Variants in EEF2 observed in about 807,000 individuals in gnomAD.
EEF2 encodes elongation factor 2.
In EEF2, 21 loss-of-function variants were observed where a neutral mutation model predicts 85.3. The ratio of observed to expected loss-of-function variants is 0.25; its 90% confidence interval spans 0.17 to 0.35. The LOEUF (loss-of-function observed/expected upper bound fraction) is 0.35. Ranked by LOEUF, EEF2 falls within the 10% of genes least tolerant of loss-of-function variation. The pLI, the probability that EEF2 is intolerant of heterozygous loss-of-function variation, is 1.00. For synonymous variants in EEF2, 723 were observed against 508.8 expected (o/e 1.42, Z -5.67); for missense variants, 825 against 1,225.3 (o/e 0.67, Z 4.88).
In EEF2 at chr19:3,981,323, T is replaced by TG; in HGVS notation, c.1011+15dup. 2 of 1,611,854 alleles carry TG rather than the reference T, an allele frequency of 1.2e-6. No individual in the cohort carries two copies. Among genetic ancestry groups the TG allele is most frequent in the Admixed American group, 3.3e-5 (2 of 60,024 alleles). The stretch of plus-strand genomic sequence containing the variant: ...CCTGTGTTCCCTCCACCCCGAGGGC[T>TG]GGGCCCAGGCCGCACCTTCAGCAGG... On this transcript the variant is annotated intron_variant, in intron 7 of 14. Transcript: ENST00000309311.
In EEF2 at chr19:3,979,874, G is replaced by A; in HGVS notation, c.1539C>T (p.Asn513=). The A allele has an allele frequency of 6.2e-7, 1 of 1,613,814 alleles. No homozygotes were observed. The highest frequency in any genetic ancestry group is 8.5e-7 in the Non-Finnish European group (1 of 1,180,054). ...PVVRVAVEAK[N]PADLPKLVEG... is the part of the protein sequence containing the mutation. ...CCACCAGCTTGGGCAGGTCAGCCGGGTTCTTGGCCTCCACGGCCACTCTGA... is the reference window on the plus strand; with the variant it reads ...CCACCAGCTTGGGCAGGTCAGCCGGATTCTTGGCCTCCACGGCCACTCTGA... Residue 513 remains asparagine (N), a synonymous_variant, in exon 10 of 15, where the codon AAC becomes AAT. Transcript: ENST00000309311.
chr19:3,979,255 G>T (rs2039715359), intron 11 of EEF2, 74 bp downstream of exon 11: 4 of 1,215,088 alleles, frequency 3.3e-6, no homozygotes, highest in Admixed American at 1.8e-5. Flanking sequence ...GCAGAGCCTA[G>T]CTCAGCTCAG....
intron 10 of EEF2, 44 bp downstream of exon 10, chr19:3,979,764 C>T: frequency 6.3e-7 from 1 of 1,590,540 alleles, no homozygotes; most frequent in South Asian, 1.1e-5. Flanking sequence ...ACAAGCCGTC[C>T]CCCCTCAGGG....
Position 3,977,093 on chromosome 19 carries a change from T to TG in EEF2, c.2383+121dup. 7.1e-7 allele frequency: 1 copy of TG among 1,409,304 alleles called. No homozygotes were observed. Among genetic ancestry groups the TG allele is most frequent in the Admixed American group, 2.3e-5 (1 of 44,342 alleles). The allele number at this position is 1,409,304 out of a possible 1,614,324, so 87.3% of individuals were successfully genotyped here. A position where few individuals can be genotyped will look rare whatever the true frequency, so the allele number is the denominator to read the frequency against. On this transcript the variant is annotated intron_variant, in intron 14 of 14. Transcript: ENST00000309311. The surrounding 1 kb of genome is among the most constrained non-coding windows in gnomAD (Gnocchi z 5.4). The stretch of plus-strand genomic sequence containing the variant: ...ACAAGCTGTCAGAAACTGGACCACC[T>TG]GCTCCATCCATCACCTGCTCCCATC...
chr19:3,982,885 G>T lies in EEF2; in HGVS notation c.534C>A (p.Phe178Leu), dbSNP rs148371759. The T allele has an allele frequency of 6.2e-7, 1 of 1,613,746 alleles. No individual in the cohort carries two copies. Among genetic ancestry groups the T allele is most frequent in the Non-Finnish European group, 8.5e-7 (1 of 1,179,992 alleles). Residue 178 changes from phenylalanine (F) to leucine (L), a missense_variant, in exon 4 of 15, where the codon TTC (phenylalanine) becomes TTA (leucine). Transcript: ENST00000309311. The part of the protein sequence containing the change: ...QLEPEELYQT[F>L]QRIVENVNVI... ...CGTTCACGTTCTCCACGATGCGCTG[G>T]AAAGTCTGGTAGAGCTCCTCGGGCT...
intron 1 of EEF2, 151 bp downstream of exon 1, chr19:3,985,227 G>A (rs2039805112): frequency 1.2e-6 from 1 of 835,564 alleles, no homozygotes; most frequent in Admixed American, 4.3e-5. Flanking sequence ...CAGACATGGC[G>A]GCGGCCGCTT....
chr19:3,978,232 C>G (rs898745314), intron 11 of EEF2, 60 bp from the exon 12 acceptor site: 10 of 1,382,778 alleles, frequency 7.2e-6, no homozygotes, highest in Non-Finnish European at 8.6e-6. Flanking sequence ...TACACACAGA[C>G]GCATCCTTAA....
chr19:3,982,886 A>T lies in EEF2; in HGVS notation c.533T>A (p.Phe178Tyr), dbSNP rs771817071. The T allele has an allele frequency of 6.2e-7, 1 of 1,613,578 alleles. No individual in the cohort carries two copies. The highest frequency in any genetic ancestry group is 8.5e-7 in the Non-Finnish European group (1 of 1,180,012). Reference sequence around the variant, plus strand: ...GTTCACGTTCTCCACGATGCGCTGGAAAGTCTGGTAGAGCTCCTCGGGCTC... The same window carrying T: ...GTTCACGTTCTCCACGATGCGCTGGTAAGTCTGGTAGAGCTCCTCGGGCTC... ...QLEPEELYQT[F>Y]QRIVENVNVI... The change falls in exon 4 of 15, where the codon TTC (phenylalanine) becomes TAC (tyrosine). Residue 178 changes from phenylalanine (F) to tyrosine (Y), a missense_variant. Coordinates refer to ENST00000309311, the MANE Select transcript of EEF2 (RefSeq NM_001961.4).
intron 5 of EEF2, 61 bp from the exon 6 acceptor site, chr19:3,982,113 T>C (rs2039756712): frequency 1.2e-6 from 2 of 1,600,560 alleles, no homozygotes; most frequent in Non-Finnish European, 8.6e-7. Flanking sequence ...TTGGGGAGGG[T>C]GGTCGCCAAG....
chr19:3,984,626 G>A (rs1437087435), intron 1 of EEF2, among the ~76,000 whole-genome samples: 3 of 152,180 alleles, frequency 2.0e-5, no homozygotes, highest in East Asian at 1.9e-4. Flanking sequence ...CTTGATACCA[G>A]GTACAAATAC....
Position 3,977,160 on chromosome 19 carries a change from C to T in EEF2, c.2383+55G>A. On this transcript the variant is annotated intron_variant, in intron 14 of 14. Coordinates refer to ENST00000309311, the MANE Select transcript of EEF2 (RefSeq NM_001961.4). The surrounding 1 kb of genome is among the most constrained non-coding windows in gnomAD (Gnocchi z 5.4). ...CACCTTGCTAAGCTTAACTGGGCTT[C>T]TGTCCCCCAAACCAGCCTGCCAGGC... The T allele has an allele frequency of 1.3e-6, 2 of 1,591,498 alleles. No homozygotes were observed. Among genetic ancestry groups the T allele is most frequent in the South Asian group, 1.1e-5 (1 of 88,878 alleles).
chr19:3,984,041 G>A lies in EEF2; in HGVS notation c.218+95C>T, dbSNP rs550210010. 3.6e-3 allele frequency: 4,750 copies of A among 1,325,540 alleles called. 50 individuals are homozygous for A. The highest frequency in any genetic ancestry group is 0.019 in the Middle Eastern group (72 of 3,796). 82.1% of individuals were successfully genotyped at this position (1,325,540 alleles called of 1,614,324 possible). The stretch of plus-strand genomic sequence containing the variant: ...AATTAAGAAACCAGGGGAAAGAGAC[G>A]TTGCCAAGTCTCTCCCCGCGCACCC... On this transcript the variant is annotated intron_variant, in intron 2 of 14. Coordinates refer to ENST00000309311, the MANE Select transcript of EEF2 (RefSeq NM_001961.4).
Position 3,982,857 on chromosome 19 carries a change from T to C in EEF2, c.562A>G (p.Ile188Val), listed in dbSNP as rs752043513. Residue 188 changes from isoleucine to valine, a missense_variant, in exon 4 of 15, where the codon ATC becomes GTC. Ile to Val is a conservative substitution (Grantham distance 29). Transcript: ENST00000309311. Reference protein sequence around the residue: ...FQRIVENVNVIISTYGEGESG... With the variant: ...FQRIVENVNVVISTYGEGESG... ...TCGCCCTCGCCGTAGGTGGAGATGA[T>C]GACGTTCACGTTCTCCACGATGCGC... The C allele has an allele frequency of 4.3e-5, 69 of 1,613,484 alleles. No homozygotes were observed. The highest frequency in any genetic ancestry group is 8.3e-5 in the Admixed American group (5 of 59,984).
At chr19:3,980,090 C>G in intron 9 of EEF2, 24 bp from the exon 10 acceptor site, 1 of 1,604,448 alleles carries the variant, frequency 6.2e-7, no homozygotes, top group South Asian at 1.1e-5. Flanking sequence ...AAGGCGGCAG[C>G]AGGCCGCAGG....
At chr19:3,981,796 C>T in intron 6 of EEF2, 151 bp downstream of exon 6, 3 of 736,650 alleles carry the variant, frequency 4.1e-6, no homozygotes, top group Non-Finnish European at 6.9e-6. Flanking sequence ...GGAGCCCTGA[C>T]TCCACCTCAG....
rs779052951 is a variant in EEF2, at chr19:3,982,453, G to A, written c.613-29C>T. The A allele has an allele frequency of 1.9e-5, 30 of 1,613,450 alleles. No homozygotes were observed. In the South Asian group the frequency reaches 2.4e-4, roughly 13 times the overall value. On this transcript the variant is annotated intron_variant, in intron 4 of 14. Coordinates refer to ENST00000309311, the MANE Select transcript of EEF2 (RefSeq NM_001961.4). ...GAAGTGTGAGAAACGAGAAGCAGCCGTGAGGGCCCCTGCGCAGAGCCTGAA... is the reference window on the plus strand; with the variant it reads ...GAAGTGTGAGAAACGAGAAGCAGCCATGAGGGCCCCTGCGCAGAGCCTGAA...
At chr19:3,978,279 G>A in intron 11 of EEF2, 107 bp from the exon 12 acceptor site, 3 of 898,840 alleles carry the variant, frequency 3.3e-6, no homozygotes, top group East Asian at 5.7e-5. Context: ...ATACAGCCTG[G>A]TAGAGCCACG....
chr19:3,980,087 C>T (rs766678952), intron 9 of EEF2, 21 bp from the exon 10 acceptor site: 2 of 1,604,884 alleles, frequency 1.2e-6, no homozygotes, highest in Non-Finnish European at 1.7e-6. Flanking sequence ...CAGAAGGCGG[C>T]AGCAGGCCGC....
In EEF2 at chr19:3,977,765, T is replaced by TC; in HGVS notation, c.2067+53dup. ...TGTCTCGGGAGGCAGGACCATGAGG[T>TC]CCCTCTAGAGCCTGGAAACGGGTGT... On this transcript the variant is annotated intron_variant, in intron 12 of 14. Coordinates refer to ENST00000309311, the MANE Select transcript of EEF2 (RefSeq NM_001961.4). The surrounding 1 kb of genome is among the most constrained non-coding windows in gnomAD (Gnocchi z 5.4). 6.6e-7 allele frequency: 1 copy of TC among 1,507,606 alleles called. No individual in the cohort carries two copies. The highest frequency in any genetic ancestry group is 8.9e-7 in the Non-Finnish European group (1 of 1,128,614). The allele number at this position is 1,507,606 out of a possible 1,614,324, so 93.4% of individuals were successfully genotyped here.
Sources: gnomAD v4.1 joint callset for allele counts (sites outside exome capture counted in the v4.1 genomes callset) on GRCh38, gnomAD v4.1.1 for gene constraint, Gnocchi (gnomAD v3.1) non-coding constraint, MANE v1.5 for transcripts, NCBI Gene and HGNC (gene_info 2026-07-23, HGNC 2026-07-21) for gene names.